Variants in MACROD2 observed in about 807,000 individuals in gnomAD.
MACROD2 encodes the protein mono-ADP ribosylhydrolase 2.
Under a neutral mutation model 70.4 loss-of-function variants are expected in MACROD2, and 36 were observed. The ratio of observed to expected loss-of-function variants is 0.51; its 90% CI spans 0.39 to 0.68. The LOEUF is 0.68. Among genes scored for constraint, MACROD2 ranks in the 30% least tolerant of loss-of-function variants. MACROD2 has a pLI of 0.00. For synonymous variants in MACROD2, 172 were observed against 178.8 expected, an observed-to-expected ratio of 0.96 and a Z score of 0.30; for missense variants, 496 against 538.4, an observed-to-expected ratio of 0.92 and a Z score of 0.78.
In MACROD2 at chr20:15,405,315, A is replaced by G. The variant is rs557262531; in HGVS notation, c.541-26090A>G. 7.9e-5 allele frequency among the ~76,000 whole-genome samples: 12 copies of G among 152,316 alleles called. No individual in the cohort carries two copies. The East Asian group carries it at 2.1e-3, about 27-fold the overall frequency. On this transcript the variant is annotated intron_variant, in intron 6 of 17. Transcript: ENST00000684519. ...CTTATCTTATGTGAATTTCATCTCA[A>G]TGAAAAAGGAGATTGAGCCAGTTAT...
chr20:15,928,798 G>A (rs2065529341), intron 10 of MACROD2, among the ~76,000 whole-genome samples: 1 of 152,310 alleles, frequency 6.6e-6, no homozygotes, highest in Non-Finnish European at 1.5e-5. Flanking sequence ...ATTGATGGCA[G>A]TGCAGACTCT....
intron 5 of MACROD2, among the ~76,000 whole-genome samples, chr20:15,033,839 A>G (rs2075293343): frequency 3.3e-5 from 5 of 152,242 alleles, no homozygotes; most frequent in Admixed American, 2.6e-4. Context: ...ACCAGGTTTT[A>G]AAACAGGTCA....
chr20:15,672,852 G>A (rs1049371988), intron 8 of MACROD2, among the ~76,000 whole-genome samples: 3 of 152,092 alleles, frequency 2.0e-5, no homozygotes, highest in African/African-American at 7.2e-5. Flanking sequence ...GTCGTGGGAG[G>A]GGCCCGGTGG....
intron 4 of MACROD2, among the ~76,000 whole-genome samples, chr20:14,530,925 G>C (rs2085295511): frequency 6.6e-6 from 1 of 152,168 alleles, no homozygotes; most frequent in African/African-American, 2.4e-5. Flanking sequence ...AGTAGCAAAA[G>C]GTGGTTGTTA....
chr20:14,870,032 C>T (rs1322646233), intron 5 of MACROD2, among the ~76,000 whole-genome samples: 3 of 152,016 alleles, frequency 2.0e-5, no homozygotes, highest in Non-Finnish European at 2.9e-5. Context: ...GTTTGCTGTA[C>T]AGATTATTTT....
In MACROD2 at chr20:14,034,638, A is replaced by T. The variant is rs557633412; in HGVS notation, c.163+32234A>T. ...TTTTTGCCAGTATGAATGTTTTGCT[A>T]TTTTTAAAATCATGAGTGAGATTAA... On this transcript the variant is annotated intron_variant, in intron 2 of 17. Coordinates refer to ENST00000684519, the MANE Select transcript of MACROD2 (RefSeq NM_001351661.2). Among the ~76,000 whole-genome samples the T allele has an allele frequency of 1.2e-4, 19 of 152,306 alleles. No individual in the cohort carries two copies. In the East Asian group the frequency reaches 3.1e-3, roughly 25 times the overall value.
At chr20:15,717,778 G>C (rs769618558) in intron 8 of MACROD2, among the ~76,000 whole-genome samples, 2 of 152,088 alleles carry the variant, frequency 1.3e-5, no homozygotes, top group Non-Finnish European at 2.9e-5. Flanking sequence ...TTGTAGGGAG[G>C]GAGCCTGATT....
chr20:15,232,298 A>G (rs1237159162), intron 6 of MACROD2, among the ~76,000 whole-genome samples: 1 of 152,096 alleles, frequency 6.6e-6, no homozygotes, highest in African/African-American at 2.4e-5. Flanking sequence ...GATGGTAGAC[A>G]TGGTTGATAT....
chr20:14,580,918 A>G (rs941288672), intron 4 of MACROD2, among the ~76,000 whole-genome samples: 1 of 152,206 alleles, frequency 6.6e-6, no homozygotes, highest in African/African-American at 2.4e-5. Flanking sequence ...TCAGTCAGTC[A>G]TTGCAGAGCT....
At chr20:14,287,170 G>C (rs139143658) in intron 3 of MACROD2, among the ~76,000 whole-genome samples, 5 of 152,232 alleles carry the variant, frequency 3.3e-5, no homozygotes, top group African/African-American at 1.2e-4. Flanking sequence ...ATCCTTAAGA[G>C]GCAAATTCTT....
At chr20:14,290,146 A>C (rs2082374491) in intron 3 of MACROD2, among the ~76,000 whole-genome samples, 1 of 152,182 alleles carries the variant, frequency 6.6e-6, no homozygotes, top group Non-Finnish European at 1.5e-5. Flanking sequence ...CTGTATGTAT[A>C]AAAAGAGAAG....
chr20:14,892,387 A>G (rs2073773365), intron 5 of MACROD2, among the ~76,000 whole-genome samples: 1 of 152,082 alleles, frequency 6.6e-6, no homozygotes, highest in Admixed American at 6.5e-5. Flanking sequence ...AGACACGAGA[A>G]TCACTTAAAC....
At chr20:15,001,007 G>A (rs1438393440) in intron 5 of MACROD2, among the ~76,000 whole-genome samples, 2 of 152,094 alleles carry the variant, frequency 1.3e-5, no homozygotes, top group African/African-American at 4.8e-5. Context: ...TCACACCTTA[G>A]CAAAAGCTGT....
intron 7 of MACROD2, among the ~76,000 whole-genome samples, chr20:15,443,317 G>A (rs1042161524): frequency 6.6e-5 from 10 of 151,438 alleles, no homozygotes; most frequent in Admixed American, 2.0e-4. Context: ...GAGAAAGAGA[G>A]AGAAAATGAT....
intron 7 of MACROD2, among the ~76,000 whole-genome samples, chr20:15,447,641 C>T (rs2046586737): frequency 2.0e-5 from 3 of 152,150 alleles, no homozygotes; most frequent in Admixed American, 6.5e-5. Context: ...AGTGTCCAAT[C>T]GAGTTGCCAT....
chr20:15,486,436 G>T (rs1181228069), intron 7 of MACROD2, among the ~76,000 whole-genome samples: 1 of 152,166 alleles, frequency 6.6e-6, no homozygotes, highest in Non-Finnish European at 1.5e-5. Flanking sequence ...ACCTGTAGGG[G>T]AGCAAAATGC....
chr20:15,703,828 C>T (rs913006631), intron 8 of MACROD2, among the ~76,000 whole-genome samples: 1 of 152,108 alleles, frequency 6.6e-6, no homozygotes, highest in African/African-American at 2.4e-5. Flanking sequence ...CCTCATGCCA[C>T]GGAGGCTACT....
chr20:15,521,881 A>C (rs984204108), intron 8 of MACROD2, among the ~76,000 whole-genome samples: 3 of 152,226 alleles, frequency 2.0e-5, no homozygotes, highest in African/African-American at 7.2e-5. Context: ...AAGTTGAAGG[A>C]GCCAAGTCAG....
At chr20:15,466,437 G>A (rs537661634) in intron 7 of MACROD2, among the ~76,000 whole-genome samples, 3 of 152,150 alleles carry the variant, frequency 2.0e-5, no homozygotes, top group Non-Finnish European at 4.4e-5. Context: ...AACACAAGAT[G>A]GTGTGATTCA....
Sources: allele counts gnomAD v4.1 joint callset (sites outside exome capture counted in the v4.1 genomes callset), GRCh38; gene constraint gnomAD v4.1.1; transcripts MANE v1.5; gene names NCBI Gene and HGNC (gene_info 2026-07-23, HGNC 2026-07-21).